The following IL1RAP variants were observed in gnomAD, a reference collection of about 807,000 sequenced individuals.
The protein encoded by IL1RAP is interleukin-1 receptor accessory protein.
Under a neutral mutation model 60.7 loss-of-function variants are expected in IL1RAP, and 35 were observed. The ratio of observed to expected loss-of-function variants is 0.58; its 90% CI spans 0.44 to 0.76. IL1RAP has a LOEUF of 0.76. Ranked by LOEUF, IL1RAP falls within the 30% of genes least tolerant of loss-of-function variation. IL1RAP has a pLI of 0.00. For missense variants in IL1RAP, 572 were observed against 693.9 expected, an observed-to-expected ratio of 0.82 and a Z score of 1.97; for synonymous variants, 268 against 250.9, an observed-to-expected ratio of 1.07 and a Z score of -0.64.
chr3:190,544,631 C>T (rs1054455797), intron 1 of IL1RAP, among the ~76,000 whole-genome samples: 5 of 152,158 alleles, frequency 3.3e-5, no homozygotes, highest in Admixed American at 1.3e-4. Context: ...CCACCTCCAC[C>T]GTGTTTTTCT....
intron 5 of IL1RAP, among the ~76,000 whole-genome samples, chr3:190,614,787 A>G (rs1364883092): frequency 6.6e-6 from 1 of 151,908 alleles, no homozygotes; most frequent in Non-Finnish European, 1.5e-5. Flanking sequence ...CAAAAACTCT[A>G]CTCTCTAGAA....
chr3:190,572,459 C>CT (rs1038032275), intron 3 of IL1RAP, among the ~76,000 whole-genome samples: 1 of 147,878 alleles, frequency 6.8e-6, no homozygotes, highest in African/African-American at 2.5e-5. Context: ...AGAGAGAGAC[C>CT]TTTTTTTGAA....
intron 9 of IL1RAP, among the ~76,000 whole-genome samples, chr3:190,640,006 TC>T (rs1327137873): frequency 6.6e-6 from 1 of 152,176 alleles, no homozygotes; most frequent in Non-Finnish European, 1.5e-5. Flanking sequence ...TTTAAAGTAT[TC>T]CCCCAAATAT....
intron 2 of IL1RAP, among the ~76,000 whole-genome samples, chr3:190,561,033 A>G (rs1165403048): frequency 2.0e-5 from 3 of 152,144 alleles, no homozygotes; most frequent in Admixed American, 2.0e-4. Flanking sequence ...AAGATATTAT[A>G]TGTAGGTTAG....
Position 190,628,135 on chromosome 3 carries a change from G to A in IL1RAP, c.902+686G>A, listed in dbSNP as rs185711515. The stretch of plus-strand genomic sequence containing the variant: ...CTAAATAAACCTGATTTTTTAAAGC[G>A]TTGGCAAAGTGGAAAGTGTGCGTCC... On this transcript the variant is annotated intron_variant, in intron 8 of 11. Transcript: ENST00000447382. Among the ~76,000 whole-genome samples the A allele has an allele frequency of 2.6e-3, 396 of 152,090 alleles. 19 individuals carry two copies. Among genetic ancestry groups the A allele is most frequent in the Admixed American group, 0.026 (390 of 15,262 alleles).
At chr3:190,526,282 G>T (rs984668762) in intron 1 of IL1RAP, among the ~76,000 whole-genome samples, 2 of 152,186 alleles carry the variant, frequency 1.3e-5, no homozygotes, top group African/African-American at 4.8e-5. Context: ...CTGAGACCCG[G>T]AATCACAGAG....
At chr3:190,606,975 C>T (rs1730382126) in intron 4 of IL1RAP, among the ~76,000 whole-genome samples, 1 of 152,118 alleles carries the variant, frequency 6.6e-6, no homozygotes, top group African/African-American at 2.4e-5. Flanking sequence ...TATCCTTAAA[C>T]TTAAATTTAC....
At chr3:190,581,793 C>T (rs370246488) in intron 3 of IL1RAP, among the ~76,000 whole-genome samples, 1 of 152,144 alleles carries the variant, frequency 6.6e-6, no homozygotes, top group African/African-American at 2.4e-5. Flanking sequence ...TGAGGTATTT[C>T]CATGAGCCAG....
intron 1 of IL1RAP, among the ~76,000 whole-genome samples, chr3:190,549,650 T>C (rs1322800956): frequency 2.0e-5 from 3 of 152,344 alleles, no homozygotes; most frequent in Non-Finnish European, 4.4e-5. Flanking sequence ...AAAAGCCTGA[T>C]TGGTAAAACA....
At chr3:190,644,798 T>C (rs1399923570) in intron 10 of IL1RAP, among the ~76,000 whole-genome samples, 1 of 152,230 alleles carries the variant, frequency 6.6e-6, no homozygotes, top group African/African-American at 2.4e-5. Context: ...TCTTTGGTAC[T>C]AAAAATGTTC....
At chr3:190,628,934 G>A (rs1024944) in intron 8 of IL1RAP, among the ~76,000 whole-genome samples, 136,966 of 152,258 alleles carry the variant, frequency 0.9, 61,814 homozygotes, top group East Asian at 1. Context: ...AGAGGAACCT[G>A]AGACCTGGAA....
chr3:190,648,258 C>T, intron 11 of IL1RAP, 80 bp from the exon 12 acceptor site: 2 of 1,510,582 alleles, frequency 1.3e-6, no homozygotes, highest in Non-Finnish European at 1.8e-6. Context: ...CCCTAAGTTC[C>T]CTACATTTGC....
At chr3:190,640,222 C>A (rs1311143958) in intron 9 of IL1RAP, among the ~76,000 whole-genome samples, 1 of 152,174 alleles carries the variant, frequency 6.6e-6, no homozygotes, top group Admixed American at 6.5e-5. Context: ...TGCCTTTAAT[C>A]GAAAAGCCAG....
chr3:190,610,741 A>G (rs1408571729), intron 5 of IL1RAP, among the ~76,000 whole-genome samples: 1 of 152,188 alleles, frequency 6.6e-6, no homozygotes, highest in African/African-American at 2.4e-5. Flanking sequence ...AATTCCACAA[A>G]CACAATTTGT....
chr3:190,602,658 G>A (rs940874300), intron 3 of IL1RAP, among the ~76,000 whole-genome samples: 3 of 152,130 alleles, frequency 2.0e-5, no homozygotes, highest in Non-Finnish European at 2.9e-5. Flanking sequence ...TTGGTGTATG[G>A]CAAATCACTA....
chr3:190,564,563 G>A (rs542104320), intron 3 of IL1RAP: 7 of 570,608 alleles, frequency 1.2e-5, no homozygotes, highest in Middle Eastern at 4.8e-4. Context: ...GAGTACACAG[G>A]GGGCAGTGGG....
intron 4 of IL1RAP, among the ~76,000 whole-genome samples, chr3:190,605,959 G>C (rs1248044940): frequency 6.6e-6 from 1 of 152,102 alleles, no homozygotes; most frequent in Non-Finnish European, 1.5e-5. Flanking sequence ...CTCTCATGGA[G>C]AGTAACTACT....
intron 10 of IL1RAP, among the ~76,000 whole-genome samples, chr3:190,645,336 G>A (rs1484079645): frequency 6.6e-6 from 1 of 152,176 alleles, no homozygotes; most frequent in Non-Finnish European, 1.5e-5. Flanking sequence ...TACTCAATTT[G>A]TAATTTTAAG....
chr3:190,573,059 T>G (rs1258292170), intron 3 of IL1RAP, among the ~76,000 whole-genome samples: 1 of 86,796 alleles, frequency 1.2e-5, no homozygotes, highest in Non-Finnish European at 2.7e-5. Context: ...GAGACGGGGT[T>G]TCACCGTTTT....
Sources: gnomAD v4.1 joint callset for allele counts (sites outside exome capture counted in the v4.1 genomes callset) on GRCh38, gnomAD v4.1.1 for gene constraint, MANE v1.5 for transcripts, NCBI Gene and HGNC (gene_info 2026-07-23, HGNC 2026-07-21) for gene names.